Variants in COG2 observed in about 807,000 individuals in gnomAD.
COG2 encodes the protein component of oligomeric golgi complex 2.
Under a neutral mutation model 90.6 loss-of-function variants are expected in COG2, and 52 were observed. The ratio of observed to expected loss-of-function variants is 0.57; its 90% CI spans 0.46 to 0.72. The LOEUF is 0.72. Among genes scored for constraint, COG2 ranks in the 30% least tolerant of loss-of-function variants. The pLI, the probability that COG2 is intolerant of heterozygous loss-of-function variation, is 0.00. For synonymous variants in COG2, 337 were observed against 320.4 expected, an observed-to-expected ratio of 1.05 and a Z score of -0.55; for missense variants, 829 against 891.2, an observed-to-expected ratio of 0.93 and a Z score of 0.89.
In COG2 at chr1:230,688,577, T is replaced by C; in HGVS notation, c.1794+15T>C. The C allele has an allele frequency of 3.1e-6, 5 of 1,613,398 alleles. No individual in the cohort carries two copies. Among genetic ancestry groups the C allele is most frequent in the Non-Finnish European group, 4.2e-6 (5 of 1,179,556 alleles). ...GAACCAATAAGGTCAGCGCCATTTATGGGAGAGAATTTTGAGGTGGGGAAG... is the reference window on the plus strand; with the variant it reads ...GAACCAATAAGGTCAGCGCCATTTACGGGAGAGAATTTTGAGGTGGGGAAG... On this transcript the variant is annotated intron_variant, in intron 15 of 17. Transcript: ENST00000366669.
At chr1:230,662,226 TAGCCGTAGA>T (rs911978616) in intron 3 of COG2, among the ~76,000 whole-genome samples, 3 of 152,198 alleles carry the variant, frequency 2.0e-5, no homozygotes, top group Non-Finnish European at 4.4e-5. Flanking sequence ...CTGATTGGTT[TAGCCGTAGA>T]CCTGTTCTTC....
chr1:230,676,258 A>ATTTTTTCTTCCTCCCT, intron 9 of COG2, among the ~76,000 whole-genome samples: 1 of 151,532 alleles, frequency 6.6e-6, no homozygotes, highest in East Asian at 1.9e-4. Context: ...CCTTCCTCCC[A>ATTTTTTCTTCCTCCCT]TCTTTTCTTC....
chr1:230,652,027 A>G (rs536001382), intron 1 of COG2, among the ~76,000 whole-genome samples: 14 of 152,190 alleles, frequency 9.2e-5, no homozygotes, highest in South Asian at 2.1e-4. Context: ...TTTTTAACTG[A>G]AGTGCCATAG....
intron 15 of COG2, 29 bp from the exon 16 acceptor site, chr1:230,689,984 CA>C (rs1662984037): frequency 9.1e-6 from 14 of 1,534,242 alleles, no homozygotes; most frequent in Admixed American, 2.2e-5. Context: ...TTTTCCTGTG[CA>C]TCTTTATCTC....
intron 1 of COG2, among the ~76,000 whole-genome samples, chr1:230,652,046 A>G (rs1256045599): frequency 1.3e-5 from 2 of 152,186 alleles, no homozygotes; most frequent in Non-Finnish European, 2.9e-5. Flanking sequence ...AGTTTTTATT[A>G]GAGTTCATTC....
At chr1:230,659,415 A>G in intron 1 of COG2, 49 bp from the exon 2 acceptor site, 1 of 1,408,010 alleles carries the variant, frequency 7.1e-7, no homozygotes, top group Non-Finnish European at 1.0e-6. Context: ...TGTATATGTC[A>G]CTGTGATATC....
intron 9 of COG2, chr1:230,678,258 G>C: frequency 1.0e-6 from 1 of 985,376 alleles, no homozygotes; most frequent in Non-Finnish European, 1.2e-6. Context: ...TTTTGAGCAG[G>C]TTCTCTGTGA....
intron 9 of COG2, chr1:230,678,285 A>C (rs758340945): frequency 4.1e-4 from 400 of 985,394 alleles, no homozygotes; most frequent in Middle Eastern, 1.0e-3. Flanking sequence ...ACAGAAGAAG[A>C]AGCATCATTT....
chr1:230,677,264 A>G (rs912281638), intron 9 of COG2, among the ~76,000 whole-genome samples: 1 of 152,150 alleles, frequency 6.6e-6, no homozygotes, highest in Admixed American at 6.5e-5. Context: ...GTTAATTATC[A>G]TATTTTTTTA....
In COG2 at chr1:230,657,065, T is replaced by C. The variant is rs541341635; in HGVS notation, c.73-2399T>C. On this transcript the variant is annotated intron_variant, in intron 1 of 17. Coordinates refer to ENST00000366669, the MANE Select transcript of COG2 (RefSeq NM_007357.3). ...TTTTAACTGGGGCATTTAGTCTGTTTACACTTAAGGTTAATATTGTTATGT... is the reference window on the plus strand; with the variant it reads ...TTTTAACTGGGGCATTTAGTCTGTTCACACTTAAGGTTAATATTGTTATGT... Among the ~76,000 whole-genome samples the C allele has an allele frequency of 3.9e-4, 60 of 152,352 alleles. No homozygotes were observed. The Middle Eastern group carries it at 0.01, about 26-fold the overall frequency.
At chr1:230,666,794 G>A (rs1662332105) in intron 5 of COG2, among the ~76,000 whole-genome samples, 1 of 152,112 alleles carries the variant, frequency 6.6e-6, no homozygotes, top group Non-Finnish European at 1.5e-5. Context: ...TTAAAGTATA[G>A]AAAGTTTAAA....
chr1:230,676,844 G>C (rs1358348019), intron 9 of COG2, among the ~76,000 whole-genome samples: 1 of 152,096 alleles, frequency 6.6e-6, no homozygotes, highest in Non-Finnish European at 1.5e-5. Context: ...TGTCTTTTGA[G>C]TTGCATTATT....
chr1:230,678,161 A>T (rs1662644070), intron 9 of COG2: 1 of 985,272 alleles, frequency 1.0e-6, no homozygotes, highest in Non-Finnish European at 1.2e-6. Context: ...GGGCTTCGGG[A>T]ATAAAGTACC....
intron 10 of COG2, chr1:230,681,439 CAT>C (rs971699727): frequency 1.2e-4 from 18 of 152,258 alleles, no homozygotes; most frequent in African/African-American, 2.9e-4. Flanking sequence ...TCCTCTCAGA[CAT>C]GTGTATCCAC....
At chr1:230,692,218 CT>C (rs1217147450) in intron 17 of COG2, among the ~76,000 whole-genome samples, 3 of 151,930 alleles carry the variant, frequency 2.0e-5, no homozygotes, top group African/African-American at 7.3e-5. Flanking sequence ...GCCTTCTAAA[CT>C]GTTAAAGCGT....
Position 230,681,551 on chromosome 1 carries a change from T to C in COG2, c.1167-2023T>C, listed in dbSNP as rs79467440. 78 of 152,382 alleles carry C rather than the reference T, an allele frequency of 5.1e-4. 2 individuals are homozygous for C. Among genetic ancestry groups the C allele is most frequent in the African/African-American group, 1.8e-3 (75 of 41,590 alleles). 9.4% of individuals were successfully genotyped at this position (152,382 alleles called of 1,614,324 possible). ...CATTGTTATTTTTATTTAAGTATTA[T>C]TGTAGACCTGTGATGTTCGTGGAGG... On this transcript the variant is annotated intron_variant, in intron 10 of 17. Coordinates refer to ENST00000366669, the MANE Select transcript of COG2 (RefSeq NM_007357.3).
chr1:230,667,549 T>C (rs1662350729), intron 5 of COG2, among the ~76,000 whole-genome samples: 1 of 152,214 alleles, frequency 6.6e-6, no homozygotes, highest in South Asian at 2.1e-4. Flanking sequence ...CAGGGCAATA[T>C]TACTGAATAG....
At chr1:230,674,881 TA>T in intron 8 of COG2, 116 bp from the exon 9 acceptor site, 2 of 782,342 alleles carry the variant, frequency 2.6e-6, no homozygotes, top group South Asian at 3.0e-5. Context: ...ACGGTTTTTT[TA>T]AAAAGTTGAA....
chr1:230,685,336 T>A, intron 12 of COG2, 100 bp downstream of exon 12: 1 of 1,244,584 alleles, frequency 8.0e-7, no homozygotes, highest in Non-Finnish European at 1.1e-6. Flanking sequence ...CATGAGAGGT[T>A]AATTCAGAGG....
Sources: gnomAD v4.1 joint callset for allele counts (sites outside exome capture counted in the v4.1 genomes callset) on GRCh38, gnomAD v4.1.1 for gene constraint, MANE v1.5 for transcripts, NCBI Gene and HGNC (gene_info 2026-07-23, HGNC 2026-07-21) for gene names.